WDR25: variants seen among roughly 807,000 people sequenced by gnomAD.
WDR25 encodes WD repeat-containing protein 25.
WDR25 carries 35 observed loss-of-function variants against 47.7 expected under a neutral mutation model. That is an observed-to-expected ratio of 0.73 (90% CI 0.56 to 0.97). The LOEUF (loss-of-function observed/expected upper bound fraction) is 0.97, where lower values mean the gene tolerates loss of function less well. Ranked by LOEUF, WDR25 falls within the 50% of genes least tolerant of loss-of-function variation. The probability of loss-of-function intolerance (pLI) is 0.00; values close to 1 mark genes in which losing one functional copy is unlikely to be tolerated. For missense variants in WDR25, 634 were observed against 704.7 expected, an observed-to-expected ratio of 0.90 and a Z score of 1.14; for synonymous variants, 248 against 278.9, an observed-to-expected ratio of 0.89 and a Z score of 1.10.
rs112935147 is a variant in WDR25 at position 100,421,129 on chromosome 14, A to G, written c.822+39383A>G. On this transcript the variant is annotated intron_variant, in intron 2 of 6. Coordinates refer to ENST00000402312, the MANE Select transcript of WDR25 (RefSeq NM_001161476.3). The stretch of plus-strand genomic sequence containing the variant: ...ATTCGGCCAAAACTGGAATTTTAAC[A>G]GTGTCCAGACAGAGAAGAGGAAGAG... Among the ~76,000 whole-genome samples, 1,202 of 152,350 alleles carry G rather than the reference A, an allele frequency of 7.9e-3. 24 individuals carry two copies. The highest frequency in any genetic ancestry group is 0.027 in the African/African-American group (1,142 of 41,572).
At chr14:100,415,747 A>G (rs1897850466) in intron 2 of WDR25, among the ~76,000 whole-genome samples, 1 of 152,182 alleles carries the variant, frequency 6.6e-6, no homozygotes, top group Admixed American at 6.5e-5. Flanking sequence ...CTGGTGCAGC[A>G]GTGTTACCCT....
At chr14:100,411,372 G>A (rs1243270480) in intron 2 of WDR25, among the ~76,000 whole-genome samples, 1 of 152,066 alleles carries the variant, frequency 6.6e-6, no homozygotes, top group African/African-American at 2.4e-5. Context: ...GCACTCCTAG[G>A]CCAAAACAAA....
rs1044874409 is a variant in WDR25 at position 100,376,750 on chromosome 14, G to GA, written c.-16+256dup. On this transcript the variant is annotated intron_variant, in intron 1 of 6. Coordinates refer to ENST00000402312, the MANE Select transcript of WDR25 (RefSeq NM_001161476.3). ...TTCATCGCTCTGGGGCCTCCGGGGG[G>GA]ATCTGTGTTTTGTGTTTGATTTCCA... is the stretch of plus-strand genomic sequence containing the variant. 18 of 1,229,694 alleles carry GA rather than the reference G, an allele frequency of 1.5e-5. No homozygotes were observed. The African/African-American group carries it at 2.5e-4, about 17-fold the overall frequency. The allele number at this position is 1,229,694 out of a possible 1,614,324, so 76.2% of individuals were successfully genotyped here.
chr14:100,460,618 C>A (rs1325527234), intron 2 of WDR25, among the ~76,000 whole-genome samples: 1 of 151,854 alleles, frequency 6.6e-6, no homozygotes, highest in Non-Finnish European at 1.5e-5. Flanking sequence ...GCTGAAAGAG[C>A]TTTTGACAAT....
At position 100,529,914 on chromosome 14, in the gene WDR25, G is replaced by A. The variant is rs1371387449; in HGVS notation, c.1508G>A (p.Arg503His). 5 of 1,613,272 alleles carry A rather than the reference G, an allele frequency of 3.1e-6. No homozygotes were observed. Among genetic ancestry groups the A allele is most frequent in the Non-Finnish European group, 3.4e-6 (4 of 1,180,044 alleles). Residue 503 changes from arginine to histidine, a missense_variant, in exon 7 of 7, where the codon CGC becomes CAC. Coordinates refer to ENST00000402312, the MANE Select transcript of WDR25 (RefSeq NM_001161476.3). The surrounding 1 kb of genome is among the most constrained non-coding windows in gnomAD (Gnocchi z 5.1). ...GGCCGGGTCCTGATGTACAGCTTCC[G>A]CACAGCCAGCCGAGCATGCACACTG... ...ADGRVLMYSFRTASRACTLQG... is the reference protein window; with the variant it reads ...ADGRVLMYSFHTASRACTLQG...
chr14:100,493,294 G>A (rs1459078291), intron 4 of WDR25, among the ~76,000 whole-genome samples: 1 of 152,046 alleles, frequency 6.6e-6, no homozygotes, highest in East Asian at 1.9e-4. Flanking sequence ...TATCCCCCCA[G>A]TGCCCCAGCC....
At chr14:100,482,132 A>G (rs1241113691) in intron 3 of WDR25, among the ~76,000 whole-genome samples, 2 of 152,086 alleles carry the variant, frequency 1.3e-5, no homozygotes, top group East Asian at 1.9e-4. Flanking sequence ...AGTGGTGAAT[A>G]TCTTCCATCT....
At chr14:100,421,210 T>C (rs1898016993) in intron 2 of WDR25, among the ~76,000 whole-genome samples, 1 of 152,186 alleles carries the variant, frequency 6.6e-6, no homozygotes, top group African/African-American at 2.4e-5. Context: ...TAGTCTTTCA[T>C]CCCTGTGTTT....
At position 100,502,043 on chromosome 14, in the gene WDR25, C is replaced by T. The variant is rs551957980; in HGVS notation, c.1101+17919C>T. ...GTGGATCCTATTCCCCATCCCTCCC[C>T]GGGTCCCGTGACCTGTCCCCAGACA... On this transcript the variant is annotated intron_variant, in intron 4 of 6. Coordinates refer to ENST00000402312, the MANE Select transcript of WDR25 (RefSeq NM_001161476.3). The surrounding 1 kb of genome is among the most constrained non-coding windows in gnomAD (Gnocchi z 4.5). 4.7e-4 allele frequency among the ~76,000 whole-genome samples: 72 copies of T among 152,310 alleles called. No homozygotes were observed. The highest frequency in any genetic ancestry group is 8.1e-4 in the Non-Finnish European group (55 of 68,026).
chr14:100,527,223 A>G (rs972185325), intron 5 of WDR25, among the ~76,000 whole-genome samples: 1 of 150,734 alleles, frequency 6.6e-6, no homozygotes, highest in African/African-American at 2.4e-5. Context: ...CACCACCACC[A>G]TTACCACCAT....
At chr14:100,456,391 A>G (rs1899204492) in intron 2 of WDR25, among the ~76,000 whole-genome samples, 1 of 152,232 alleles carries the variant, frequency 6.6e-6, no homozygotes, top group African/African-American at 2.4e-5. Flanking sequence ...TAAAAAAAAT[A>G]TGAACCATGA....
intron 3 of WDR25, among the ~76,000 whole-genome samples, chr14:100,473,912 A>G (rs1394527604): frequency 6.6e-6 from 1 of 152,252 alleles, no homozygotes; most frequent in African/African-American, 2.4e-5. Context: ...AGGTGCCCAC[A>G]GACCCAAAGG....
At chr14:100,526,291 G>A (rs1235810743) in intron 5 of WDR25, among the ~76,000 whole-genome samples, 5 of 152,154 alleles carry the variant, frequency 3.3e-5, no homozygotes, top group Non-Finnish European at 7.4e-5. Flanking sequence ...GGTGGGGGGC[G>A]GTTCAGTCCA....
intron 2 of WDR25, among the ~76,000 whole-genome samples, chr14:100,445,479 A>C (rs74999162): frequency 1.5e-3 from 224 of 152,334 alleles, no homozygotes; most frequent in African/African-American, 5.3e-3. Context: ...ACTCACACCA[A>C]GGGTTTCAAA....
At chr14:100,459,800 A>C (rs1359123004) in intron 2 of WDR25, among the ~76,000 whole-genome samples, 1 of 150,424 alleles carries the variant, frequency 6.6e-6, no homozygotes, top group Non-Finnish European at 1.5e-5. Context: ...TGAGACAACA[A>C]AATTCTGTTG....
Position 100,468,927 on chromosome 14 carries a change from A to G in WDR25, c.970+759A>G, listed in dbSNP as rs752967797. ...CTTTTCTTTCCTTTCCTTTCCCTCT[A>G]TGTTCTCTTTCTTTTCTTTCTTTCC... On this transcript the variant is annotated intron_variant, in intron 3 of 6. Transcript: ENST00000402312. This position sits in a 1 kb window ranked among gnomAD's most constrained non-coding sequence, Gnocchi z 4.5. 7.1e-6 allele frequency among the ~76,000 whole-genome samples: 1 copy of G among 141,806 alleles called. No individual in the cohort carries two copies. Among genetic ancestry groups the G allele is most frequent in the Non-Finnish European group, 1.5e-5 (1 of 64,952 alleles). The allele number at this position is 141,806 out of a possible 152,430, so 93.0% of individuals were successfully genotyped here.
Position 100,472,681 on chromosome 14 carries a change from T to C in WDR25, c.970+4513T>C, listed in dbSNP as rs550146301. Reference sequence around the variant, plus strand: ...GCTTACAGATGTGCTGTTGGTCCCCTGCGTGGGTCTTGGGGGCAGACTGGG... The same window carrying C: ...GCTTACAGATGTGCTGTTGGTCCCCCGCGTGGGTCTTGGGGGCAGACTGGG... On this transcript the variant is annotated intron_variant, in intron 3 of 6. Transcript: ENST00000402312. Among the ~76,000 whole-genome samples, 10 of 152,352 alleles carry C rather than the reference T, an allele frequency of 6.6e-5. No individual in the cohort carries two copies. The South Asian group carries it at 1.9e-3, about 28-fold the overall frequency.
At position 100,407,264 on chromosome 14, in the gene WDR25, A is replaced by G. The variant is rs1228477215; in HGVS notation, c.822+25518A>G. 6.6e-6 allele frequency: 1 copy of G among 152,196 alleles called. No individual in the cohort carries two copies. The highest frequency in any genetic ancestry group is 1.5e-5 in the Non-Finnish European group (1 of 68,034). The allele number at this position is 152,196 out of a possible 1,614,324, so 9.4% of individuals were successfully genotyped here. Reference sequence around the variant, plus strand: ...TTCAGATTCTTATTGATGTGCTCACATTTTTTGGGGTAATTGTCCTCCTTT... The same window carrying G: ...TTCAGATTCTTATTGATGTGCTCACGTTTTTTGGGGTAATTGTCCTCCTTT... On this transcript the variant is annotated intron_variant, in intron 2 of 6. Transcript: ENST00000402312. The surrounding 1 kb of genome is among the most constrained non-coding windows in gnomAD (Gnocchi z 4.1).
At chr14:100,432,809 TAGAC>T (rs1228155617) in intron 2 of WDR25, among the ~76,000 whole-genome samples, 6 of 152,254 alleles carry the variant, frequency 3.9e-5, no homozygotes, top group African/African-American at 1.2e-4. Context: ...AATGCGTTGT[TAGAC>T]AGTGTTGTGG....
Sources: allele counts gnomAD v4.1 joint callset (sites outside exome capture counted in the v4.1 genomes callset), GRCh38; gene constraint gnomAD v4.1.1; non-coding constraint Gnocchi (gnomAD v3.1); transcripts MANE v1.5; gene names NCBI Gene and HGNC (gene_info 2026-07-23, HGNC 2026-07-21).